Variants in TENM3 observed in about 807,000 individuals in gnomAD.
TENM3 encodes teneurin transmembrane protein 3, also known as teneurin-3.
TENM3 carries 63 observed loss-of-function variants against 255.1 expected under a neutral mutation model. That is an observed-to-expected ratio of 0.25 (90% CI 0.20 to 0.30). The LOEUF (loss-of-function observed/expected upper bound fraction) is 0.30. Among genes scored for constraint, TENM3 ranks in the 10% least tolerant of loss-of-function variants. The pLI is 1.00. For missense variants in TENM3, 2,929 were observed against 3,461.1 expected, an observed-to-expected ratio of 0.85 and a Z score of 3.86; for synonymous variants, 1,306 against 1,322.3, an observed-to-expected ratio of 0.99 and a Z score of 0.27.
chr4:181,759,363 C>T, the TENM3 span, among the ~76,000 whole-genome samples: 1 of 151,612 alleles, frequency 6.6e-6, no homozygotes, highest in Non-Finnish European at 1.5e-5. Flanking sequence ...GTAAAAAGCA[C>T]ATCTAAAATA....
the TENM3 span, among the ~76,000 whole-genome samples, chr4:181,637,139 G>C: frequency 2.6e-5 from 4 of 152,176 alleles, no homozygotes; most frequent in African/African-American, 9.7e-5. Context: ...CTACAAGATT[G>C]CGAAGCCCCT....
chr4:181,965,675 G>A, the TENM3 span, among the ~76,000 whole-genome samples: 43 of 152,312 alleles, frequency 2.8e-4, no homozygotes, highest in African/African-American at 7.9e-4. Flanking sequence ...CAATTAGTTT[G>A]TTTAAGTCAG....
At chr4:181,486,409 C>G in the TENM3 span, among the ~76,000 whole-genome samples, 1 of 152,220 alleles carries the variant, frequency 6.6e-6, no homozygotes, top group Non-Finnish European at 1.5e-5. Flanking sequence ...TGTTGATGCA[C>G]TTCTCTGGCC....
rs537163479 is a variant in TENM3 at position 182,735,282 on chromosome 4, T to C, written c.2968-1526T>C. 5.3e-5 allele frequency among the ~76,000 whole-genome samples: 8 copies of C among 152,326 alleles called. No individual in the cohort carries two copies. The East Asian group carries it at 5.8e-4, about 11-fold the overall frequency. ...TATCTACATTAGAAATGCCTCTTACTGTACTGTACTGTACCACATCGCGTC... is the reference window on the plus strand; with the variant it reads ...TATCTACATTAGAAATGCCTCTTACCGTACTGTACTGTACCACATCGCGTC... On this transcript the variant is annotated intron_variant, in intron 16 of 27. Transcript: ENST00000511685.
At chr4:181,681,320 C>A in the TENM3 span, among the ~76,000 whole-genome samples, 1 of 151,874 alleles carries the variant, frequency 6.6e-6, no homozygotes. Flanking sequence ...TTCACCGGAC[C>A]TTGATTATTT....
At chr4:182,567,003 A>G (rs1743852220) in intron 3 of TENM3, among the ~76,000 whole-genome samples, 3 of 152,222 alleles carry the variant, frequency 2.0e-5, no homozygotes. Flanking sequence ...AAAGTAATGA[A>G]GCATGTGTTA....
At chr4:182,199,147 T>C (rs1754019663) in intron 1 of TENM3, among the ~76,000 whole-genome samples, 2 of 152,130 alleles carry the variant, frequency 1.3e-5, no homozygotes, top group South Asian at 4.2e-4. Context: ...TGTTGACTGA[T>C]CAGTACTATA....
intron 24 of TENM3, among the ~76,000 whole-genome samples, chr4:182,785,435 C>T (rs1478414926): frequency 6.6e-6 from 1 of 151,766 alleles, no homozygotes; most frequent in Non-Finnish European, 1.5e-5. Flanking sequence ...AGACCAGACG[C>T]AGTGGTTTAC....
At chr4:182,318,493 T>C (rs1762871931) in intron 1 of TENM3, among the ~76,000 whole-genome samples, 1 of 152,152 alleles carries the variant, frequency 6.6e-6, no homozygotes, top group Admixed American at 6.5e-5. Context: ...AAAATATATT[T>C]AAATAATACA....
intron 24 of TENM3, 21 bp downstream of exon 24, chr4:182,775,174 A>G (rs774336645): frequency 3.2e-5 from 52 of 1,607,198 alleles, no homozygotes; most frequent in Middle Eastern, 1.7e-4. Flanking sequence ...GTTGTGGAGC[A>G]GGAGATAGCT....
chr4:181,630,041 C>T, the TENM3 span, among the ~76,000 whole-genome samples: 1 of 152,112 alleles, frequency 6.6e-6, no homozygotes, highest in African/African-American at 2.4e-5. Flanking sequence ...TTCAGAGATT[C>T]AACTTCTTCC....
the TENM3 span, among the ~76,000 whole-genome samples, chr4:181,782,737 T>G: frequency 2.0e-5 from 3 of 152,242 alleles, no homozygotes; most frequent in Non-Finnish European, 2.9e-5. Context: ...AGATCTTTCC[T>G]GCTTTTTCTT....
At chr4:181,641,679 T>A in the TENM3 span, among the ~76,000 whole-genome samples, 12 of 86,360 alleles carry the variant, frequency 1.4e-4, no homozygotes, top group South Asian at 3.4e-4. Context: ...TATATATATA[T>A]AAAATATATA....
the TENM3 span, among the ~76,000 whole-genome samples, chr4:181,987,799 C>A: frequency 1.6e-5 from 2 of 125,282 alleles, no homozygotes; most frequent in African/African-American, 5.4e-5. Flanking sequence ...GATATCTTTT[C>A]TTTCTGGATG....
the TENM3 span, chr4:181,829,961 G>A: frequency 6.6e-6 from 1 of 152,286 alleles, no homozygotes; most frequent in African/African-American, 2.4e-5. Flanking sequence ...TTAAGTACTT[G>A]CTCTTGAGTC....
chr4:181,948,118 A>G, the TENM3 span, among the ~76,000 whole-genome samples: 6 of 152,324 alleles, frequency 3.9e-5, no homozygotes, highest in South Asian at 1.0e-3. Context: ...TTTGAAAACT[A>G]TAACCGGTAC....
chr4:181,969,146 G>T, the TENM3 span, among the ~76,000 whole-genome samples: 1 of 152,094 alleles, frequency 6.6e-6, no homozygotes, highest in South Asian at 2.1e-4. Context: ...AAATTTACAG[G>T]ATCCAGAAAA....
At chr4:182,044,206 G>C in the TENM3 span, among the ~76,000 whole-genome samples, 1 of 152,066 alleles carries the variant, frequency 6.6e-6, no homozygotes, top group East Asian at 1.9e-4. Flanking sequence ...GGAGAAGAAC[G>C]ACATGCTTTC....
rs747740350 is a variant in TENM3 at position 182,730,307 on chromosome 4, G to A, written c.2693G>A (p.Arg898His). The A allele has an allele frequency of 9.3e-6, 15 of 1,613,376 alleles. No individual in the cohort carries two copies. The highest frequency in any genetic ancestry group is 6.7e-5 in the East Asian group (3 of 44,850). The stretch of plus-strand genomic sequence containing the variant: ...CCAGAATATGGATATACTATTACCC[G>A]CCAGGACGGAATGTGAGTTAGTCCC... ...HYPEYGYTIT[R>H]QDGMFDLVAN... The change falls in exon 15 of 28, where the codon CGC becomes CAC. Residue 898 changes from arginine to histidine, a missense_variant. This residue lies in a region of TENM3 where 1,608 missense variants were observed against 1,884.4 expected (regional missense o/e 0.85). Transcript: ENST00000511685.
Sources: allele counts gnomAD v4.1 joint callset (sites outside exome capture counted in the v4.1 genomes callset), GRCh38; gene constraint gnomAD v4.1.1; regional missense constraint gnomAD v4.1.1; transcripts MANE v1.5; gene names NCBI Gene and HGNC (gene_info 2026-07-23, HGNC 2026-07-21).